The following RFT1 variants were observed in gnomAD, a reference collection of about 807,000 sequenced individuals.
RFT1 encodes the protein RFT1 glycolipid translocator homolog.
A neutral mutation model predicts 62.2 loss-of-function variants in RFT1; 43 were observed. The observed-to-expected ratio is 0.69, with a 90% confidence interval of 0.54 to 0.89. The LOEUF is 0.89. Among genes scored for constraint, RFT1 ranks in the 40% least tolerant of loss-of-function variants. The pLI is 0.00. For missense variants in RFT1, 605 were observed against 649.9 expected, an observed-to-expected ratio of 0.93 and a Z score of 0.75; for synonymous variants, 262 against 264.6, an observed-to-expected ratio of 0.99 and a Z score of 0.10.
intron 10 of RFT1, among the ~76,000 whole-genome samples, chr3:53,100,263 TA>T (rs370827313): frequency 8.9e-4 from 135 of 152,288 alleles, no homozygotes; most frequent in Middle Eastern, 6.8e-3. Context: ...TATTTTCTTC[TA>T]AAACAAAGTA....
intron 1 of RFT1, among the ~76,000 whole-genome samples, chr3:53,129,886 G>C (rs1702212448): frequency 6.6e-6 from 1 of 152,144 alleles, no homozygotes; most frequent in Non-Finnish European, 1.5e-5. Context: ...CCTGGGTCAC[G>C]GAGCAATCCA....
intron 2 of RFT1, 37 bp downstream of exon 2, chr3:53,125,872 G>T: frequency 6.6e-7 from 1 of 1,509,478 alleles, no homozygotes; most frequent in East Asian, 2.3e-5. Context: ...GGCTAGGAAG[G>T]TGAACTCTGA....
chr3:53,068,252 A>G, the RFT1 span, among the ~76,000 whole-genome samples: 1 of 151,810 alleles, frequency 6.6e-6, no homozygotes, highest in East Asian at 1.9e-4. Context: ...TCCTCCAAGC[A>G]CCAGCCCTGT....
At chr3:53,092,290 C>A in intron 12 of RFT1, 79 bp downstream of exon 12, 1 of 1,554,856 alleles carries the variant, frequency 6.4e-7, no homozygotes, top group Non-Finnish European at 8.7e-7. Context: ...GAGGCAAAAA[C>A]CTGGGAAGAG....
downstream of RFT1, among the ~76,000 whole-genome samples, chr3:53,083,493 TAAA>T (rs11350349): frequency 1.2e-4 from 15 of 130,058 alleles, no homozygotes; most frequent in Non-Finnish European, 1.5e-4. Flanking sequence ...AGACCCTATC[TAAA>T]AAAAAAAAAA....
At chr3:53,072,960 T>A in the RFT1 span, among the ~76,000 whole-genome samples, 3 of 152,210 alleles carry the variant, frequency 2.0e-5, no homozygotes, top group East Asian at 5.8e-4. Flanking sequence ...AGGCATTTCC[T>A]GGGGGTGAAG....
At chr3:53,092,271 G>C in intron 12 of RFT1, 98 bp downstream of exon 12, 2 of 1,519,472 alleles carry the variant, frequency 1.3e-6, no homozygotes, top group Non-Finnish European at 1.8e-6. Context: ...CCTGGGGAGG[G>C]GACAGGAGGA....
At chr3:53,087,336 G>C (rs1228291892), downstream of RFT1, among the ~76,000 whole-genome samples, 1 of 152,148 alleles carries the variant, frequency 6.6e-6, no homozygotes, top group Non-Finnish European at 1.5e-5. Context: ...GACTAGGCCA[G>C]GGATCATGCT....
At position 53,092,059 on chromosome 3, in the gene RFT1, G is replaced by A; in HGVS notation, c.1470C>T (p.Cys490=). ...GTCTGGCTGGCCAGCCCTGCTCACA[G>A]CAGAGGAATACCTGGGGAAAGAAAC... The part of the protein sequence containing the change: ...GVTAVSEVFL[C]CEQGWPARLA... The change falls in exon 13 of 13, where the codon TGC becomes TGT. Residue 490 remains cysteine (C), a synonymous_variant. Coordinates refer to ENST00000296292, the MANE Select transcript of RFT1 (RefSeq NM_052859.4). 3 of 1,614,244 alleles carry A rather than the reference G, an allele frequency of 1.9e-6. No homozygotes were observed. Among genetic ancestry groups the A allele is most frequent in the Non-Finnish European group, 2.5e-6 (3 of 1,180,048 alleles).
intron 9 of RFT1, among the ~76,000 whole-genome samples, chr3:53,104,632 C>T (rs924435073): frequency 2.6e-5 from 4 of 152,216 alleles, no homozygotes; most frequent in African/African-American, 9.7e-5. Context: ...TGTGAAGGTA[C>T]TCTTAGGAAA....
chr3:53,105,639 T>C, intron 9 of RFT1, 34 bp downstream of exon 9: 1 of 1,610,722 alleles, frequency 6.2e-7, no homozygotes, highest in Non-Finnish European at 8.5e-7. Flanking sequence ...AAAGGGAGAA[T>C]TCACTTGAGA....
chr3:53,073,208 G>A, the RFT1 span, among the ~76,000 whole-genome samples: 1 of 152,242 alleles, frequency 6.6e-6, no homozygotes, highest in Non-Finnish European at 1.5e-5. Context: ...ACCGGCCTCT[G>A]CCCAGGCTGG....
At chr3:53,083,806 C>T (rs185052591), downstream of RFT1, among the ~76,000 whole-genome samples, 1 of 152,348 alleles carries the variant, frequency 6.6e-6, no homozygotes, top group African/African-American at 2.4e-5. Flanking sequence ...CCCCACAGCC[C>T]GACATCTGCA....
the RFT1 span, among the ~76,000 whole-genome samples, chr3:53,079,064 C>T: frequency 6.6e-6 from 1 of 152,250 alleles, no homozygotes; most frequent in South Asian, 2.1e-4. Context: ...ACAGCAGGTC[C>T]TCTGGCCCAG....
At chr3:53,086,891 C>T (rs571956170), downstream of RFT1, among the ~76,000 whole-genome samples, 8 of 152,322 alleles carry the variant, frequency 5.3e-5, no homozygotes, top group South Asian at 1.5e-3. Flanking sequence ...CCCCTGCACA[C>T]CCGTCTCACT....
At chr3:53,107,280 C>T (rs935663179) in intron 7 of RFT1, among the ~76,000 whole-genome samples, 3 of 151,750 alleles carry the variant, frequency 2.0e-5, no homozygotes, top group East Asian at 3.9e-4. Context: ...GGACTACAGG[C>T]GCCCGCCACC....
chr3:53,092,205 G>A, intron 12 of RFT1, 135 bp from the exon 13 acceptor site: 1 of 1,395,406 alleles, frequency 7.2e-7, no homozygotes, highest in Non-Finnish European at 9.9e-7. Context: ...CAGGTCCATT[G>A]TTTCCCCATT....
chr3:53,093,190 C>T (rs963831443), intron 11 of RFT1, among the ~76,000 whole-genome samples: 7 of 152,152 alleles, frequency 4.6e-5, no homozygotes, highest in Non-Finnish European at 1.0e-4. Context: ...GGCAGTAGAC[C>T]CCATTCAAAG....
chr3:53,080,475 A>G, the RFT1 span, among the ~76,000 whole-genome samples: 18 of 152,190 alleles, frequency 1.2e-4, no homozygotes, highest in Non-Finnish European at 2.6e-4. Flanking sequence ...GTCTTTCAGG[A>G]GAGGGTAAAG....
Sources: gnomAD v4.1 joint callset for allele counts (sites outside exome capture counted in the v4.1 genomes callset) on GRCh38, gnomAD v4.1.1 for gene constraint, MANE v1.5 for transcripts, NCBI Gene and HGNC (gene_info 2026-07-23, HGNC 2026-07-21) for gene names.